NDUFA8: variants seen among roughly 807,000 people sequenced by gnomAD.
NDUFA8 encodes the protein NADH:ubiquinone oxidoreductase subunit A8.
A neutral mutation model predicts 20.9 loss-of-function variants in NDUFA8; 16 were observed. The ratio of observed to expected loss-of-function variants is 0.77; its 90% CI spans 0.52 to 1.16. NDUFA8 has a LOEUF of 1.16. Among genes scored for constraint, NDUFA8 ranks in the 50% most tolerant of loss-of-function variants. The pLI is 0.00. For synonymous variants in NDUFA8, 70 were observed against 76.1 expected, an observed-to-expected ratio of 0.92 and a Z score of 0.41; for missense variants, 202 against 216.4, an observed-to-expected ratio of 0.93 and a Z score of 0.42.
intron 1 of NDUFA8, 94 bp downstream of exon 1, chr9:122,159,533 G>T: frequency 1.3e-6 from 2 of 1,495,632 alleles, no homozygotes; most frequent in Non-Finnish European, 9.3e-7. Flanking sequence ...GGGGGGCCCG[G>T]GTCCCAGGAT....
chr9:122,157,984 T>A (rs1829101243), intron 1 of NDUFA8, among the ~76,000 whole-genome samples: 1 of 152,026 alleles, frequency 6.6e-6, no homozygotes, highest in East Asian at 1.9e-4. Flanking sequence ...AAACCCCGTC[T>A]CTACTAAAAA....
intron 1 of NDUFA8, among the ~76,000 whole-genome samples, chr9:122,152,834 G>A (rs954689825): frequency 2.0e-5 from 3 of 152,116 alleles, no homozygotes; most frequent in Non-Finnish European, 2.9e-5. Flanking sequence ...TAGAGCAGAA[G>A]AAATGGCACC....
intron 1 of NDUFA8, among the ~76,000 whole-genome samples, chr9:122,159,253 C>T (rs747694168): frequency 6.6e-6 from 1 of 152,186 alleles, no homozygotes; most frequent in African/African-American, 2.4e-5. Context: ...CCGTCTCCCT[C>T]GACTGTGAGC....
At chr9:122,146,301 T>C (rs927385267) in intron 3 of NDUFA8, among the ~76,000 whole-genome samples, 12 of 152,214 alleles carry the variant, frequency 7.9e-5, no homozygotes, top group African/African-American at 2.9e-4. Context: ...AGAGAATTTT[T>C]TTTTTATCTC....
the NDUFA8 span, among the ~76,000 whole-genome samples, chr9:122,134,815 A>G: frequency 6.6e-6 from 1 of 152,140 alleles, no homozygotes; most frequent in African/African-American, 2.4e-5. Flanking sequence ...CCGACACTCC[A>G]TGAGTTAGTT....
At chr9:122,152,098 AATT>A (rs1554799599) in intron 2 of NDUFA8, 144 bp downstream of exon 2, 1 of 911,414 alleles carries the variant, frequency 1.1e-6, no homozygotes, top group Non-Finnish European at 1.7e-6. Flanking sequence ...AACCAAAAAT[AATT>A]ATCATCCTTT....
intron 3 of NDUFA8, 60 bp from the exon 4 acceptor site, chr9:122,144,438 CAT>C (rs1396037219): frequency 6.7e-7 from 1 of 1,503,674 alleles, no homozygotes; most frequent in African/African-American, 1.4e-5. Flanking sequence ...AATCTGTAAC[CAT>C]CAATGCGCCT....
intron 1 of NDUFA8, 119 bp downstream of exon 1, chr9:122,159,508 T>C (rs1167000248): frequency 3.2e-6 from 4 of 1,255,640 alleles, no homozygotes; most frequent in Middle Eastern, 1.9e-4. Flanking sequence ...TGTATATGCG[T>C]TGGAGGACTG....
chr9:122,148,912 TTC>T (rs1244015710), intron 2 of NDUFA8, among the ~76,000 whole-genome samples: 1 of 152,242 alleles, frequency 6.6e-6, no homozygotes, highest in East Asian at 1.9e-4. Context: ...ATATAATTCA[TTC>T]TGTGGCCATC....
chr9:122,153,450 A>G (rs538718691), intron 1 of NDUFA8, among the ~76,000 whole-genome samples: 16 of 137,526 alleles, frequency 1.2e-4, no homozygotes, highest in African/African-American at 4.1e-4. Flanking sequence ...AAAATCTGCA[A>G]ATTTTTTAAA....
intron 3 of NDUFA8, 138 bp from the exon 4 acceptor site, chr9:122,144,516 A>G (rs185488704): frequency 6.4e-4 from 525 of 822,328 alleles, no homozygotes; most frequent in Non-Finnish European, 1.0e-3. Context: ...AGCAAATCAC[A>G]TTCAGACGTA....
At chr9:122,153,724 C>T (rs1051606740) in intron 1 of NDUFA8, among the ~76,000 whole-genome samples, 1 of 152,154 alleles carries the variant, frequency 6.6e-6, no homozygotes, top group African/African-American at 2.4e-5. Context: ...GAGAACCATC[C>T]TCCTCATTCT....
At chr9:122,148,637 G>T (rs1368605345) in intron 2 of NDUFA8, among the ~76,000 whole-genome samples, 2 of 152,000 alleles carry the variant, frequency 1.3e-5, no homozygotes, top group Non-Finnish European at 2.9e-5. Flanking sequence ...AAGAGGAGGA[G>T]GCATAATTAA....
chr9:122,152,337 C>T lies in NDUFA8; in HGVS notation c.123G>A (p.Lys41=). The T allele has an allele frequency of 6.2e-7, 1 of 1,614,148 alleles. No individual in the cohort carries two copies. The highest frequency in any genetic ancestry group is 8.5e-7 in the Non-Finnish European group (1 of 1,180,038). ...HYGAQCDKPN[K]EFMLCRWEEK... The stretch of plus-strand genomic sequence containing the variant: ...CTTCCCAGCGGCAGAGCATAAACTC[C>T]TTGTTGGGCTTATCACATTGAGCTC... Residue 41 remains lysine, a synonymous_variant, in exon 2 of 4, where the codon AAG becomes AAA. Coordinates refer to ENST00000373768, the MANE Select transcript of NDUFA8 (RefSeq NM_014222.3).
At chr9:122,135,080 G>A in the NDUFA8 span, among the ~76,000 whole-genome samples, 2 of 152,218 alleles carry the variant, frequency 1.3e-5, no homozygotes, top group Non-Finnish European at 2.9e-5. Context: ...GGGGGCCCCC[G>A]TGCTGGGGGC....
At chr9:122,146,133 G>A (rs1344808335) in intron 3 of NDUFA8, among the ~76,000 whole-genome samples, 1 of 152,100 alleles carries the variant, frequency 6.6e-6, no homozygotes, top group African/African-American at 2.4e-5. Flanking sequence ...GTGACAGAGT[G>A]AGACTCCACT....
In NDUFA8 at chr9:122,159,765, ACG is replaced by A. The variant is rs1432165404; in HGVS notation, c.-90_-89del. 5.1e-6 allele frequency: 8 copies of A among 1,577,910 alleles called. No individual in the cohort carries two copies. The African/African-American group carries it at 1.1e-4, about 21-fold the overall frequency. Reference sequence around the variant, plus strand: ...TCCCCTTTCGACCGCCGAGTGCCACACGGCGCCTGCGCATGCGCATCCGGCAA... The same window carrying A: ...TCCCCTTTCGACCGCCGAGTGCCACAGCGCCTGCGCATGCGCATCCGGCAA... On this transcript the variant is annotated 5_prime_UTR_variant, in exon 1 of 4. The change abolishes the stop of an existing upstream ORF in the 5' untranslated region. Transcript: ENST00000373768.
intron 1 of NDUFA8, among the ~76,000 whole-genome samples, chr9:122,155,854 A>C (rs1301893338): frequency 6.6e-6 from 1 of 152,240 alleles, no homozygotes; most frequent in Non-Finnish European, 1.5e-5. Context: ...ATTTCCCTAC[A>C]AATGTGGAAA....
intron 1 of NDUFA8, among the ~76,000 whole-genome samples, chr9:122,157,049 C>T (rs759197387): frequency 3.9e-4 from 59 of 152,344 alleles, no homozygotes; most frequent in Middle Eastern, 6.8e-3. Flanking sequence ...AACTTCTTAA[C>T]GGGTACTGAA....
Sources: gnomAD v4.1 joint callset for allele counts (sites outside exome capture counted in the v4.1 genomes callset) on GRCh38, gnomAD v4.1.1 for gene constraint, MANE v1.5 for transcripts, NCBI Gene and HGNC (gene_info 2026-07-23, HGNC 2026-07-21) for gene names.